Variants in CFAP92 observed in about 807,000 individuals in gnomAD.
The protein encoded by CFAP92 is uncharacterized protein CFAP92.
CFAP92 carries 86 observed loss-of-function variants against 106.3 expected under a neutral mutation model. The observed-to-expected ratio is 0.81, with a 90% CI of 0.68 to 0.97. The LOEUF is 0.97. CFAP92 is among the 50% of genes least tolerant of loss of function. The probability of loss-of-function intolerance (pLI) is 0.00; values close to 1 mark genes in which losing one functional copy is unlikely to be tolerated. For synonymous variants in CFAP92, 477 were observed against 506.4 expected, an observed-to-expected ratio of 0.94 and a Z score of 0.78; for missense variants, 1,204 against 1,283.8, an observed-to-expected ratio of 0.94 and a Z score of 0.95.
In CFAP92 at chr3:128,959,596, G is replaced by C. The variant is rs1235411094; in HGVS notation, c.1353+5915C>G. ...GAACAAGGAACTCACAGAATAAACA[G>C]CAGTGCTGAACCTGGTTGGTTCACA... On this transcript the variant is annotated intron_variant, in intron 9 of 15. Coordinates refer to ENST00000645291, the MANE Select transcript of CFAP92 (RefSeq NM_001394090.1). 5.9e-5 allele frequency among the ~76,000 whole-genome samples: 9 copies of C among 152,316 alleles called. No individual in the cohort carries two copies. In the East Asian group the frequency reaches 1.7e-3, roughly 29 times the overall value.
At position 128,945,593 on chromosome 3, in the gene CFAP92, T is replaced by C; in HGVS notation, c.1736A>G (p.Tyr579Cys). Residue 579 changes from tyrosine (Y) to cysteine (C), a missense_variant, in exon 10 of 16, where the codon TAC becomes TGC. Coordinates refer to ENST00000645291, the MANE Select transcript of CFAP92 (RefSeq NM_001394090.1). ...SFADLLLGHK[Y>C]LNLAVPIHSC... is the part of the protein sequence containing the mutation. ...GTGGATGGGGACGGCCAGATTCAAG[T>C]ACTTGTGGCCAAGGAGGAGGTCAGC... The C allele has an allele frequency of 6.5e-7, 1 of 1,536,074 alleles. No homozygotes were observed. The highest frequency in any genetic ancestry group is 8.7e-7 in the Non-Finnish European group (1 of 1,146,900).
chr3:128,917,687 G>A (rs1936931631), intron 12 of CFAP92, among the ~76,000 whole-genome samples: 1 of 152,188 alleles, frequency 6.6e-6, no homozygotes, highest in African/African-American at 2.4e-5. Flanking sequence ...AAAAAGTATT[G>A]AGTATGAAAA....
At chr3:129,019,023 C>G in the CFAP92 span, among the ~76,000 whole-genome samples, 1 of 152,330 alleles carries the variant, frequency 6.6e-6, no homozygotes, top group South Asian at 2.1e-4. Flanking sequence ...TGTCCTCCCC[C>G]ACACCACCGT....
At chr3:128,964,366 C>A (rs1321412435) in intron 9 of CFAP92, among the ~76,000 whole-genome samples, 3 of 152,204 alleles carry the variant, frequency 2.0e-5, no homozygotes, top group Non-Finnish European at 4.4e-5. Context: ...ACCAGACCAA[C>A]TGAGACTGTG....
At chr3:128,953,017 G>A (rs1242123872) in intron 9 of CFAP92, among the ~76,000 whole-genome samples, 7 of 152,172 alleles carry the variant, frequency 4.6e-5, no homozygotes, top group African/African-American at 1.7e-4. Flanking sequence ...AGGATGCGGA[G>A]GTTGCAGTGG....
chr3:129,003,713 G>A, upstream of CFAP92: 1 of 1,234,110 alleles, frequency 8.1e-7, no homozygotes, highest in Non-Finnish European at 1.0e-6. Context: ...CAGAGGCATG[G>A]GGCCGCCGTC....
At chr3:129,001,649 C>A (rs773592981) in intron 1 of CFAP92, 2 of 1,391,302 alleles carry the variant, frequency 1.4e-6, no homozygotes, top group South Asian at 1.6e-5. Context: ...TCAGCACGGG[C>A]GCGGAGGCCG....
intron 10 of CFAP92, among the ~76,000 whole-genome samples, chr3:128,944,184 T>C (rs967372246): frequency 2.0e-5 from 3 of 150,794 alleles, no homozygotes; most frequent in African/African-American, 4.9e-5. Flanking sequence ...AGGATCACCT[T>C]AGCCTCCCAA....
At chr3:129,001,044 C>A (rs1310081608) in intron 1 of CFAP92, among the ~76,000 whole-genome samples, 2 of 152,222 alleles carry the variant, frequency 1.3e-5, no homozygotes, top group Non-Finnish European at 2.9e-5. Flanking sequence ...CTTTTCCGCA[C>A]CTACGGCTAC....
chr3:128,957,741 T>C (rs1941552504), intron 9 of CFAP92, among the ~76,000 whole-genome samples: 1 of 152,212 alleles, frequency 6.6e-6, no homozygotes, highest in Non-Finnish European at 1.5e-5. Flanking sequence ...GCCATTATCC[T>C]GGAGTGGGGG....
intron 1 of CFAP92, among the ~76,000 whole-genome samples, chr3:129,000,681 A>T (rs2107840241): frequency 6.6e-6 from 1 of 152,378 alleles, no homozygotes; most frequent in South Asian, 2.1e-4. Context: ...CTAAAACACC[A>T]GAAAAAAACA....
upstream of CFAP92, among the ~76,000 whole-genome samples, chr3:129,003,548 T>C (rs546059464): frequency 6.8e-6 from 1 of 146,084 alleles, no homozygotes; most frequent in Admixed American, 6.8e-5. Flanking sequence ...TTTCCTTCAG[T>C]GAAAAAACGT....
chr3:129,015,192 T>G, the CFAP92 span, among the ~76,000 whole-genome samples: 1 of 152,186 alleles, frequency 6.6e-6, no homozygotes, highest in African/African-American at 2.4e-5. Flanking sequence ...GCAGCCACAC[T>G]GACCCTCCAG....
intron 9 of CFAP92, among the ~76,000 whole-genome samples, chr3:128,959,227 A>T (rs975642432): frequency 6.6e-6 from 1 of 152,116 alleles, no homozygotes; most frequent in African/African-American, 2.4e-5. Context: ...ATAAATAAAT[A>T]AAATAAAAAA....
intron 9 of CFAP92, among the ~76,000 whole-genome samples, chr3:128,956,196 T>TAAATAAAAAA (rs1941372225): frequency 3.2e-5 from 2 of 61,714 alleles, no homozygotes; most frequent in African/African-American, 1.8e-4. Context: ...AAAAAAAAAA[T>TAAATAAAAAA]AAAAAAAAAA....
rs1236299967 is a variant in CFAP92, at chr3:128,945,558, C to G, written c.1771G>C (p.Val591Leu). Residue 591 changes from valine to leucine, a missense_variant, in exon 10 of 16, where the codon GTT becomes CTT. Transcript: ENST00000645291. ...TCCTGGCCGCAGTGTGTGGGCTGAACCTCACAGCTGTGGATGGGGACGGCC... is the reference window on the plus strand; with the variant it reads ...TCCTGGCCGCAGTGTGTGGGCTGAAGCTCACAGCTGTGGATGGGGACGGCC... ...NLAVPIHSCE[V>L]QPTHCGQDSR... 6.5e-7 allele frequency: 1 copy of G among 1,536,168 alleles called. No homozygotes were observed. Among genetic ancestry groups the G allele is most frequent in the Non-Finnish European group, 8.7e-7 (1 of 1,146,916 alleles).
intron 8 of CFAP92, 150 bp downstream of exon 8, chr3:128,971,137 T>C: frequency 7.9e-7 from 1 of 1,265,296 alleles, no homozygotes; most frequent in Non-Finnish European, 1.1e-6. Flanking sequence ...CCCCCTGTAC[T>C]ATGAAGCCAA....
chr3:129,024,505 T>C, the CFAP92 span, among the ~76,000 whole-genome samples: 6 of 149,504 alleles, frequency 4.0e-5, no homozygotes, highest in Admixed American at 6.7e-5. Context: ...CACTCCAGCC[T>C]GGGTGACAGA....
intron 8 of CFAP92, chr3:128,968,275 A>G (rs1425168264): frequency 1.3e-5 from 2 of 152,224 alleles, no homozygotes; most frequent in South Asian, 2.1e-4. Flanking sequence ...TTTTAAAATA[A>G]GAGCTCATTC....
Sources: gnomAD v4.1 joint callset for allele counts (sites outside exome capture counted in the v4.1 genomes callset) on GRCh38, gnomAD v4.1.1 for gene constraint, MANE v1.5 for transcripts, NCBI Gene and HGNC (gene_info 2026-07-23, HGNC 2026-07-21) for gene names.